Variants in SLC35B4 observed in about 807,000 individuals in gnomAD.
The protein encoded by SLC35B4 is nucleotide sugar transporter SLC35B4.
Under a neutral mutation model 39.5 loss-of-function variants are expected in SLC35B4, and 28 were observed. The ratio of observed to expected loss-of-function variants is 0.71; its 90% CI spans 0.53 to 0.97. The LOEUF is 0.97. SLC35B4 is among the 50% of genes least tolerant of loss of function. The probability of loss-of-function intolerance (pLI) is 0.00; values close to 1 mark genes in which losing one functional copy is unlikely to be tolerated. For missense variants in SLC35B4, 334 were observed against 414.3 expected (o/e 0.81, Z 1.68); for synonymous variants, 145 against 150.4 (o/e 0.96, Z 0.26).
At chr7:134,301,339 T>A (rs1359057978) in intron 6 of SLC35B4, among the ~76,000 whole-genome samples, 1 of 152,194 alleles carries the variant, frequency 6.6e-6, no homozygotes, top group Non-Finnish European at 1.5e-5. Context: ...AACACTGCCA[T>A]ATGGAACAGC....
chr7:134,304,315 T>C (rs867276330), intron 4 of SLC35B4, among the ~76,000 whole-genome samples: 1 of 151,440 alleles, frequency 6.6e-6, no homozygotes, highest in African/African-American at 2.4e-5. Context: ...CACTTGAACC[T>C]GGGAGGTGGA....
intron 8 of SLC35B4, 54 bp downstream of exon 8, chr7:134,299,469 G>A (rs747494195): frequency 7.0e-7 from 1 of 1,427,810 alleles, no homozygotes; most frequent in Non-Finnish European, 9.9e-7. Flanking sequence ...GAGTAAAACT[G>A]AGACTCTGCC....
At chr7:134,316,606 G>C in intron 1 of SLC35B4, 69 bp downstream of exon 1, 2 of 1,500,286 alleles carry the variant, frequency 1.3e-6, no homozygotes, top group Non-Finnish European at 1.8e-6. Flanking sequence ...CGCGTCCCGG[G>C]GGGACCTCTC....
At chr7:134,315,650 A>T (rs1437167232) in intron 1 of SLC35B4, among the ~76,000 whole-genome samples, 1 of 151,262 alleles carries the variant, frequency 6.6e-6, no homozygotes, top group Non-Finnish European at 1.5e-5. Context: ...TCCAAAAAAA[A>T]AACAAAAAAC....
chr7:134,301,575 GT>G (rs758153339), intron 6 of SLC35B4, among the ~76,000 whole-genome samples, 185 bp downstream of exon 6: 2 of 152,206 alleles, frequency 1.3e-5, no homozygotes, highest in Non-Finnish European at 2.9e-5. Flanking sequence ...TGCCATGAAT[GT>G]GGGGGCATTT....
chr7:134,293,822 T>C lies in SLC35B4; in HGVS notation c.*1011A>G, dbSNP rs1803393982. ...TTTTTTTTTTTTTTGAGATAGAGTCTCACTCTGTCACCCAGGCGGGAGTGC... is the reference window on the plus strand; with the variant it reads ...TTTTTTTTTTTTTTGAGATAGAGTCCCACTCTGTCACCCAGGCGGGAGTGC... On this transcript the variant is annotated 3_prime_UTR_variant, in exon 10 of 10. Transcript: ENST00000378509. The C allele has an allele frequency of 2.0e-5, 3 of 149,818 alleles. No homozygotes were observed. The highest frequency in any genetic ancestry group is 2.1e-4 in the South Asian group (1 of 4,744). 9.3% of individuals were successfully genotyped at this position (149,818 alleles called of 1,614,324 possible). A position where few individuals can be genotyped will look rare whatever the true frequency, so the allele number is the denominator to read the frequency against.
chr7:134,315,889 C>T (rs558918549), intron 1 of SLC35B4, among the ~76,000 whole-genome samples: 1 of 152,274 alleles, frequency 6.6e-6, no homozygotes, highest in South Asian at 2.1e-4. Flanking sequence ...CTTTTCCACA[C>T]CACCTGTTGT....
intron 4 of SLC35B4, among the ~76,000 whole-genome samples, chr7:134,302,377 G>C (rs956367579): frequency 6.6e-6 from 1 of 152,200 alleles, no homozygotes; most frequent in Non-Finnish European, 1.5e-5. Context: ...GACAAAAACA[G>C]AAATAGACCA....
chr7:134,291,927 GT>G lies in SLC35B4; in HGVS notation c.*2905del, dbSNP rs1208254319. ...TCCACCATCTTCAGTTACCTTATCT[GT>G]TACACTGTCAAGTTGTTCAGCAGGC... is the stretch of plus-strand genomic sequence containing the variant. On this transcript the variant is annotated 3_prime_UTR_variant, in exon 10 of 10. Coordinates refer to ENST00000378509, the MANE Select transcript of SLC35B4 (RefSeq NM_032826.5). The G allele has an allele frequency of 1.3e-5, 2 of 152,210 alleles. No individual in the cohort carries two copies. The highest frequency in any genetic ancestry group is 2.9e-5 in the Non-Finnish European group (2 of 68,082). The allele number at this position is 152,210 out of a possible 1,614,324, so 9.4% of individuals were successfully genotyped here. A position where few individuals can be genotyped will look rare whatever the true frequency, so the allele number is the denominator to read the frequency against.
At chr7:134,304,656 G>A (rs1171437942) in intron 4 of SLC35B4, 149 bp downstream of exon 4, 4 of 602,964 alleles carry the variant, frequency 6.6e-6, no homozygotes, top group African/African-American at 1.9e-5. Flanking sequence ...TTGCATGATT[G>A]GGCCTCACTG....
chr7:134,291,053 T>C lies in SLC35B4; in HGVS notation c.*3780A>G, dbSNP rs1435518466. 6.6e-6 allele frequency: 1 copy of C among 152,200 alleles called. No homozygotes were observed. The highest frequency in any genetic ancestry group is 1.5e-5 in the Non-Finnish European group (1 of 68,030). The allele number at this position is 152,200 out of a possible 1,614,324, so 9.4% of individuals were successfully genotyped here. ...ATCTGGCACTGTTGAGTGAAGCCAGTTAATGGGAAGGTAAAAATAGCAAAA... is the reference window on the plus strand; with the variant it reads ...ATCTGGCACTGTTGAGTGAAGCCAGCTAATGGGAAGGTAAAAATAGCAAAA... On this transcript the variant is annotated 3_prime_UTR_variant, in exon 10 of 10. Transcript: ENST00000378509.
chr7:134,299,456 C>CA, intron 8 of SLC35B4, 67 bp downstream of exon 8: 1 of 1,304,932 alleles, frequency 7.7e-7, no homozygotes, highest in African/African-American at 1.5e-5. Flanking sequence ...GAGGTCAAGT[C>CA]AAGAGTAAAA....
rs142995422 is a variant in SLC35B4 at position 134,306,768 on chromosome 7, A to G, written c.198T>C (p.Tyr66=). 4 of 1,612,706 alleles carry G rather than the reference A, an allele frequency of 2.5e-6. No homozygotes were observed. In the African/African-American group the frequency reaches 5.3e-5, roughly 22 times the overall value. ...RKPPAIPIRY[Y]AIMVTMFFTV... ...TGAAGAACATGGTCACCATTATGGCATAGTACCTGAAATGCAGACAGAACA... is the reference window on the plus strand; with the variant it reads ...TGAAGAACATGGTCACCATTATGGCGTAGTACCTGAAATGCAGACAGAACA... Residue 66 remains tyrosine, a synonymous_variant, in exon 3 of 10, where the codon TAT becomes TAC. Transcript: ENST00000378509.
chr7:134,310,639 G>C (rs1803811938), intron 1 of SLC35B4, among the ~76,000 whole-genome samples: 1 of 151,776 alleles, frequency 6.6e-6, no homozygotes, highest in Non-Finnish European at 1.5e-5. Flanking sequence ...CCGCCTCCCG[G>C]GTTCGTGCCA....
intron 1 of SLC35B4, among the ~76,000 whole-genome samples, chr7:134,313,745 C>T (rs1054213629): frequency 6.6e-6 from 1 of 152,226 alleles, no homozygotes; most frequent in Non-Finnish European, 1.5e-5. Context: ...CACCTACTGG[C>T]TCCAAGCCAG....
intron 8 of SLC35B4, among the ~76,000 whole-genome samples, chr7:134,298,114 C>T (rs1250311204): frequency 6.6e-6 from 1 of 151,996 alleles, no homozygotes; most frequent in Admixed American, 6.6e-5. Context: ...TTTTCTTTCA[C>T]GAATAAAATG....
intron 1 of SLC35B4, among the ~76,000 whole-genome samples, chr7:134,316,329 C>G (rs1009861744): frequency 1.3e-5 from 2 of 152,190 alleles, no homozygotes; most frequent in Non-Finnish European, 2.9e-5. Context: ...GACACTAGCT[C>G]TCTGCCGACC....
At position 134,297,549 on chromosome 7, in the gene SLC35B4, T is replaced by C. The variant is rs137978573; in HGVS notation, c.674-1083A>G. ...ATTGTACATTTGATAAAAACAAAAA[T>C]CATAGAGATTTTATAGCCACATAAA... On this transcript the variant is annotated intron_variant, in intron 8 of 9. Coordinates refer to ENST00000378509, the MANE Select transcript of SLC35B4 (RefSeq NM_032826.5). Among the ~76,000 whole-genome samples the C allele has an allele frequency of 2.3e-3, 347 of 151,468 alleles. 1 individual carries two copies. Among genetic ancestry groups the C allele is most frequent in the African/African-American group, 8.3e-3 (343 of 41,266 alleles).
In SLC35B4 at chr7:134,304,830, G is replaced by A. The variant is rs770067811; in HGVS notation, c.319C>T (p.Leu107=). The change falls in exon 4 of 10, where the codon CTA becomes TTA. Residue 107 remains leucine, a synonymous_variant. Coordinates refer to ENST00000378509, the MANE Select transcript of SLC35B4 (RefSeq NM_032826.5). The part of the protein sequence containing the change: ...RSGSLIANMI[L]GIIILKKRYS... ...CTTTTCTTCAAAATGATAATTCCTA[G>A]AATCATGTTGGCAATTAGAGAACCC... 21 of 1,612,412 alleles carry A rather than the reference G, an allele frequency of 1.3e-5. No individual in the cohort carries two copies. The highest frequency in any genetic ancestry group is 1.8e-5 in the Non-Finnish European group (21 of 1,178,602).
Sources: gnomAD v4.1 joint callset for allele counts (sites outside exome capture counted in the v4.1 genomes callset) on GRCh38, gnomAD v4.1.1 for gene constraint, MANE v1.5 for transcripts, NCBI Gene and HGNC (gene_info 2026-07-23, HGNC 2026-07-21) for gene names.